The following PLS3 variants were observed in gnomAD, a reference collection of about 807,000 sequenced individuals.
The protein encoded by PLS3 is plastin-3.
In PLS3, 11 loss-of-function variants were observed where a neutral mutation model predicts 46.5. The observed-to-expected ratio is 0.24, with a 90% confidence interval of 0.15 to 0.39. The LOEUF (loss-of-function observed/expected upper bound fraction) is 0.39, where lower values mean the gene tolerates loss of function less well. Ranked by LOEUF, PLS3 falls within the 10% of genes least tolerant of loss-of-function variation. PLS3 has a pLI of 1.00. For synonymous variants in PLS3, 167 were observed against 162.2 expected (o/e 1.03, Z -0.22); for missense variants, 308 against 461.8 (o/e 0.67, Z 3.05).
At chrX:115,581,530 T>C (rs1478849032) in intron 1 of PLS3, among the ~76,000 whole-genome samples, 1 of 111,903 alleles carries the variant, frequency 8.9e-6, no homozygotes, top group Non-Finnish European at 1.9e-5. Flanking sequence ...TCAAACTGAT[T>C]AGGACTGAAG....
At chrX:115,562,646 A>G (rs1231554020) in intron 1 of PLS3, 1 of 111,346 alleles carries the variant, frequency 9.0e-6, no homozygotes, top group Non-Finnish European at 1.9e-5. Flanking sequence ...TGGATGTCAC[A>G]ATGGACTGGG....
At chrX:115,642,654 G>C (rs2074910194) in intron 9 of PLS3, among the ~76,000 whole-genome samples, 1 of 111,396 alleles carries the variant, frequency 9.0e-6, no homozygotes, top group African/African-American at 3.3e-5. Flanking sequence ...GTGAAGTTCA[G>C]CTGAGAGCCA....
At chrX:115,580,115 T>C (rs1204717977) in intron 1 of PLS3, among the ~76,000 whole-genome samples, 8 of 112,367 alleles carry the variant, frequency 7.1e-5, no homozygotes, top group African/African-American at 2.6e-4. Context: ...TTATCAGATA[T>C]GTGGCATACA....
chrX:115,633,798 C>T (rs1414906352), intron 5 of PLS3, among the ~76,000 whole-genome samples: 1 of 110,669 alleles, frequency 9.0e-6, no homozygotes, highest in East Asian at 2.8e-4. Flanking sequence ...AGGCCTTGGC[C>T]TTTTTTATTT....
In PLS3 at chrX:115,643,297, G is replaced by A. The variant is rs782474251; in HGVS notation, c.988-16G>A. The A allele has an allele frequency of 3.5e-6, 4 of 1,136,917 alleles. No individual in the cohort carries two copies. The highest frequency in any genetic ancestry group is 1.9e-5 in the South Asian group (1 of 52,715). 93.7% of individuals were successfully genotyped at this position (1,136,917 alleles called of 1,213,427 possible). On this transcript the variant is annotated splice_polypyrimidine_tract_variant and intron_variant, in intron 9 of 15. Coordinates refer to ENST00000355899, the MANE Select transcript of PLS3 (RefSeq NM_005032.7). ...AGTGTGGCCTTTGACAAAGTCTTCC[G>A]ATTTTGTTTCAACAGGAAACAGATG... is the stretch of plus-strand genomic sequence containing the variant.
chrX:115,616,479 A>C (rs1366038275), intron 2 of PLS3, among the ~76,000 whole-genome samples: 2 of 112,238 alleles, frequency 1.8e-5, no homozygotes, highest in Admixed American at 9.5e-5. Flanking sequence ...ATTAGATTGA[A>C]TAGTCATCAG....
intron 1 of PLS3, chrX:115,562,634 G>A (rs1292616392): frequency 2.7e-5 from 3 of 111,365 alleles, no homozygotes; most frequent in Non-Finnish European, 5.6e-5. Context: ...ACTCCACTTT[G>A]CTGGATGTCA....
In PLS3 at chrX:115,585,634, C is replaced by G. The variant is rs187572582; in HGVS notation, c.-9+24374C>G. Among the ~76,000 whole-genome samples the G allele has an allele frequency of 7.3e-4, 81 of 110,867 alleles. 1 individual carries two copies. In the East Asian group the frequency reaches 0.021, roughly 28 times the overall value. The stretch of plus-strand genomic sequence containing the variant: ...CTCAAACTCCTGACCTCGTGATTTG[C>G]CCTCCTCAGCCTCCCAAAGCGCTGG... On this transcript the variant is annotated intron_variant, in intron 1 of 15. Transcript: ENST00000355899.
chrX:115,574,643 G>A (rs1236305748), intron 1 of PLS3, among the ~76,000 whole-genome samples: 1 of 110,063 alleles, frequency 9.1e-6, no homozygotes, highest in Non-Finnish European at 1.9e-5. Context: ...GCAATGGCAC[G>A]ATCTCGGCTC....
intron 1 of PLS3, among the ~76,000 whole-genome samples, chrX:115,574,665 C>T (rs148007006): frequency 0.029 from 3,167 of 110,752 alleles, 115 homozygotes; most frequent in African/African-American, 0.098. Context: ...CCGTAACCTC[C>T]GCCTCCCAGA....
chrX:115,573,576 A>G (rs1208884306), intron 1 of PLS3, among the ~76,000 whole-genome samples: 1 of 112,683 alleles, frequency 8.9e-6, no homozygotes, highest in Non-Finnish European at 1.9e-5. Flanking sequence ...CATTACTTGC[A>G]CATGCAGCTC....
intron 2 of PLS3, among the ~76,000 whole-genome samples, chrX:115,616,183 C>T (rs1172071343): frequency 8.9e-6 from 1 of 112,073 alleles, no homozygotes; most frequent in African/African-American, 3.2e-5. Flanking sequence ...TGAACAGCAA[C>T]ATTCTAATTC....
At chrX:115,620,019 C>G (rs1490807065) in intron 2 of PLS3, among the ~76,000 whole-genome samples, 5 of 111,759 alleles carry the variant, frequency 4.5e-5, no homozygotes, top group African/African-American at 1.6e-4. Flanking sequence ...AAGATGGTTC[C>G]ATGCAGTATA....
At chrX:115,619,290 T>G (rs967486412) in intron 2 of PLS3, among the ~76,000 whole-genome samples, 32 of 112,454 alleles carry the variant, frequency 2.8e-4, no homozygotes, top group African/African-American at 1.0e-3. Flanking sequence ...TTTCACATTA[T>G]TCCCACTGTG....
At chrX:115,647,103 T>C (rs1406957623) in intron 13 of PLS3, among the ~76,000 whole-genome samples, 1 of 110,969 alleles carries the variant, frequency 9.0e-6, no homozygotes, top group Non-Finnish European at 1.9e-5. Flanking sequence ...TCACATAGTG[T>C]GAATCTCTTT....
intron 5 of PLS3, among the ~76,000 whole-genome samples, chrX:115,633,752 C>T (rs1389607774): frequency 9.0e-6 from 1 of 111,531 alleles, no homozygotes; most frequent in Non-Finnish European, 1.9e-5. Context: ...CTCAGCCTCC[C>T]AAAGTGCTGG....
chrX:115,564,619 A>AT (rs1158467290), intron 1 of PLS3, among the ~76,000 whole-genome samples: 4 of 112,271 alleles, frequency 3.6e-5, no homozygotes, highest in Non-Finnish European at 7.5e-5. Context: ...ATTATCCCAT[A>AT]TTCTGTTTTA....
At chrX:115,631,800 T>C (rs189104256) in intron 5 of PLS3, among the ~76,000 whole-genome samples, 1 of 110,922 alleles carries the variant, frequency 9.0e-6, no homozygotes, top group Non-Finnish European at 1.9e-5. Flanking sequence ...ATTTCCCATG[T>C]GTGTGTTTTG....
chrX:115,561,854 C>T (rs2074138349), intron 1 of PLS3, among the ~76,000 whole-genome samples: 1 of 111,551 alleles, frequency 9.0e-6, no homozygotes, highest in African/African-American at 3.3e-5. Context: ...GGGTTGCCTG[C>T]CTTCTGCCTG....
Sources: gnomAD v4.1 joint callset for allele counts (sites outside exome capture counted in the v4.1 genomes callset) on GRCh38, gnomAD v4.1.1 for gene constraint, MANE v1.5 for transcripts, NCBI Gene and HGNC (gene_info 2026-07-23, HGNC 2026-07-21) for gene names.